BIRC6: variants seen among roughly 807,000 people sequenced by gnomAD.
BIRC6 encodes the protein dual E2 ubiquitin-conjugating enzyme/E3 ubiquitin-protein ligase BIRC6.
In BIRC6, 98 loss-of-function variants were observed where a neutral mutation model predicts 503.3. The observed-to-expected ratio is 0.19, with a 90% CI of 0.17 to 0.23. The LOEUF (loss-of-function observed/expected upper bound fraction) is 0.23. BIRC6 is among the 10% of genes least tolerant of loss of function. BIRC6 has a pLI of 1.00. For missense variants in BIRC6, 5,360 were observed against 5,806.0 expected (o/e 0.92, Z 2.50); for synonymous variants, 2,240 against 2,078.7 (o/e 1.08, Z -2.11).
Position 32,442,290 on chromosome 2 carries a change from A to G in BIRC6, c.4107-34A>G, listed in dbSNP as rs114643386. On this transcript the variant is annotated intron_variant, in intron 18 of 73. Coordinates refer to ENST00000421745, the MANE Select transcript of BIRC6 (RefSeq NM_016252.4). Reference sequence around the variant, plus strand: ...TTTTAGATGTTATGATTGAAAGTTCAGGATGAGTCTAAATGTCTGCTATTG... The same window carrying G: ...TTTTAGATGTTATGATTGAAAGTTCGGGATGAGTCTAAATGTCTGCTATTG... 2.4e-3 allele frequency: 3,863 copies of G among 1,609,884 alleles called. 47 individuals carry two copies. The African/African-American group carries it at 0.036, about 15-fold the overall frequency.
intron 65 of BIRC6, among the ~76,000 whole-genome samples, chr2:32,570,137 A>G (rs574805491): frequency 1.3e-5 from 2 of 152,142 alleles, no homozygotes; most frequent in Non-Finnish European, 2.9e-5. Flanking sequence ...ATTTTATCAC[A>G]TGCTTTTTCA....
chr2:32,507,876 T>C, intron 50 of BIRC6, 104 bp from the exon 51 acceptor site: 1 of 1,063,004 alleles, frequency 9.4e-7, no homozygotes, highest in South Asian at 2.0e-5. Context: ...TACAAGTTCA[T>C]GATGAATACA....
chr2:32,377,917 A>G, intron 2 of BIRC6, 148 bp downstream of exon 2: 1 of 689,992 alleles, frequency 1.4e-6, no homozygotes, highest in Non-Finnish European at 2.3e-6. Flanking sequence ...CTTCATTTAA[A>G]TATTAATACT....
chr2:32,568,984 CT>C (rs1316517122), intron 65 of BIRC6, among the ~76,000 whole-genome samples: 17 of 144,770 alleles, frequency 1.2e-4, no homozygotes, highest in African/African-American at 3.2e-4. Context: ...ATGTCTCTCT[CT>C]TTTTTTTTTT....
chr2:32,612,632 G>A (rs770478646), intron 73 of BIRC6, among the ~76,000 whole-genome samples: 1 of 152,158 alleles, frequency 6.6e-6, no homozygotes, highest in Non-Finnish European at 1.5e-5. Flanking sequence ...ATTTGTGAAT[G>A]ACAAAGTGTA....
chr2:32,469,437 A>G lies in BIRC6; in HGVS notation c.6170A>G (p.Gln2057Arg), dbSNP rs373101401. 5.0e-6 allele frequency: 8 copies of G among 1,613,778 alleles called. No individual in the cohort carries two copies. The African/African-American group carries it at 1.1e-4, about 22-fold the overall frequency. ...GTTTTGCAGAGCACATTTCATGCCC[A>G]GGCCTGTGAAGAGCTCTTTAAACAC... ...PAVLQSTFHAQACEELFKHLC... is the reference protein window; with the variant it reads ...PAVLQSTFHARACEELFKHLC... The change falls in exon 30 of 74, where the codon CAG (glutamine) becomes CGG (arginine). Residue 2057 changes from glutamine to arginine, a missense_variant. Physicochemically the swap from Gln to Arg is conservative, Grantham distance 43 (BLOSUM62 1). This residue lies in a region of BIRC6 where 2,299 missense variants were observed against 2,267.2 expected (regional missense o/e 1.01). Coordinates refer to ENST00000421745, the MANE Select transcript of BIRC6 (RefSeq NM_016252.4).
At chr2:32,465,203 T>TTTCTTATTC in intron 26 of BIRC6, 39 bp downstream of exon 26, 2 of 1,094,900 alleles carry the variant, frequency 1.8e-6, no homozygotes, top group East Asian at 2.9e-5. Flanking sequence ...TTTTTTTTTT[T>TTTCTTATTC]TGCTTAGTCT....
intron 15 of BIRC6, among the ~76,000 whole-genome samples, chr2:32,438,369 G>C (rs1224933555): frequency 6.6e-6 from 1 of 152,142 alleles, no homozygotes; most frequent in Non-Finnish European, 1.5e-5. Flanking sequence ...CAGGCAGGTA[G>C]CTAAGTAGAG....
At chr2:32,489,512 T>C (rs187387975) in intron 42 of BIRC6, among the ~76,000 whole-genome samples, 80 of 151,922 alleles carry the variant, frequency 5.3e-4, no homozygotes, top group Non-Finnish European at 1.9e-4. Context: ...AATAAAAGAG[T>C]AAAAAATAGT....
intron 71 of BIRC6, among the ~76,000 whole-genome samples, chr2:32,607,053 T>C (rs530505449): frequency 1.3e-5 from 2 of 151,560 alleles, no homozygotes; most frequent in African/African-American, 4.8e-5. Flanking sequence ...TTATGCTCCT[T>C]AAGAACAGTT....
At chr2:32,495,336 A>G (rs1021891519) in intron 45 of BIRC6, among the ~76,000 whole-genome samples, 8 of 152,298 alleles carry the variant, frequency 5.3e-5, no homozygotes, top group Non-Finnish European at 7.4e-5. Flanking sequence ...TACCCTGTAC[A>G]TTTTTGTGGC....
rs186094020 is a variant in BIRC6, at chr2:32,358,103, C to G, written c.325+617C>G. Among the ~76,000 whole-genome samples the G allele has an allele frequency of 7.4e-3, 1,118 of 151,776 alleles. 8 individuals are homozygous for G. Among genetic ancestry groups the G allele is most frequent in the Middle Eastern group, 0.02 (6 of 294 alleles). ...GAAGTAGGCGGGCCAGCTGCCTGAACTGCTTGGTCGACGACTGTAGGACTC... is the reference window on the plus strand; with the variant it reads ...GAAGTAGGCGGGCCAGCTGCCTGAAGTGCTTGGTCGACGACTGTAGGACTC... On this transcript the variant is annotated intron_variant, in intron 1 of 73. Transcript: ENST00000421745.
chr2:32,460,518 C>A (rs944973078), intron 23 of BIRC6, among the ~76,000 whole-genome samples: 1 of 151,512 alleles, frequency 6.6e-6, no homozygotes, highest in Non-Finnish European at 1.5e-5. Flanking sequence ...CTCAGGTGAT[C>A]CACCTGTCTT....
intron 65 of BIRC6, among the ~76,000 whole-genome samples, chr2:32,555,535 G>C (rs1312301602): frequency 6.6e-6 from 1 of 152,076 alleles, no homozygotes; most frequent in Non-Finnish European, 1.5e-5. Context: ...CTACTCAGGA[G>C]GCTGAGGCAG....
At chr2:32,596,556 T>C (rs1279892868) in intron 68 of BIRC6, among the ~76,000 whole-genome samples, 3 of 152,126 alleles carry the variant, frequency 2.0e-5, no homozygotes, top group Middle Eastern at 3.4e-3. Flanking sequence ...GTGCCTGTTA[T>C]GACCTTGTCT....
chr2:32,465,208 T>TTTTTATTTTTC, intron 26 of BIRC6, 44 bp downstream of exon 26: 1 of 1,009,562 alleles, frequency 9.9e-7, no homozygotes, highest in Non-Finnish European at 1.4e-6. Context: ...TTTTTTTGCT[T>TTTTTATTTTTC]AGTCTGCCGG....
At chr2:32,524,683 T>G (rs1464031304) in intron 57 of BIRC6, 1 of 242,952 alleles carries the variant, frequency 4.1e-6, no homozygotes, top group Non-Finnish European at 7.9e-6. Context: ...ATATTCTGGC[T>G]TAAGTACAGT....
chr2:32,572,478 A>G (rs375468006), intron 65 of BIRC6, among the ~76,000 whole-genome samples: 2 of 152,234 alleles, frequency 1.3e-5, no homozygotes, highest in East Asian at 3.8e-4. Context: ...GTCATAGAAT[A>G]TAGGCATTTA....
At position 32,501,868 on chromosome 2, in the gene BIRC6, T is replaced by C; in HGVS notation, c.9187T>C (p.Cys3063Arg). 1 of 1,609,042 alleles carries C rather than the reference T, an allele frequency of 6.2e-7. No individual in the cohort carries two copies. Among genetic ancestry groups the C allele is most frequent in the Non-Finnish European group, 8.5e-7 (1 of 1,178,574 alleles). Residue 3063 changes from cysteine (C) to arginine (R), a missense_variant, in exon 47 of 74, where the codon TGT becomes CGT. Coordinates refer to ENST00000421745, the MANE Select transcript of BIRC6 (RefSeq NM_016252.4). Reference protein sequence around the residue: ...MLQPILTYMACGYMGRQGSLA... With the variant: ...MLQPILTYMARGYMGRQGSLA... ...GCAGCCAATTTTAACATACATGGCC[T>C]GTGGATATATGGGCAGACAAGTAAG...
Sources: gnomAD v4.1 joint callset for allele counts (sites outside exome capture counted in the v4.1 genomes callset) on GRCh38, gnomAD v4.1.1 for gene constraint, gnomAD v4.1.1 regional missense constraint, MANE v1.5 for transcripts, NCBI Gene and HGNC (gene_info 2026-07-23, HGNC 2026-07-21) for gene names.